The following SEMA6D variants were observed in gnomAD, a reference collection of about 807,000 sequenced individuals.
SEMA6D encodes semaphorin-6D.
Under a neutral mutation model 106.6 loss-of-function variants are expected in SEMA6D, and 35 were observed. That is an observed-to-expected ratio of 0.33 (90% CI 0.25 to 0.44). SEMA6D has a LOEUF of 0.44. Among genes scored for constraint, SEMA6D ranks in the 20% least tolerant of loss-of-function variants. The pLI is 1.00. For synonymous variants in SEMA6D, 499 were observed against 487.7 expected (o/e 1.02, Z -0.31); for missense variants, 1,185 against 1,345.9 (o/e 0.88, Z 1.87).
intron 1 of SEMA6D, among the ~76,000 whole-genome samples, chr15:47,242,748 A>C (rs1331824036): frequency 1.3e-5 from 2 of 152,158 alleles, no homozygotes; most frequent in Non-Finnish European, 2.9e-5. Context: ...CCGATTATAA[A>C]AGCAACCCCT....
At chr15:47,600,945 T>C (rs953991006) in intron 4 of SEMA6D, 1 of 152,078 alleles carries the variant, frequency 6.6e-6, no homozygotes, top group Admixed American at 6.6e-5. Context: ...CAGCGAATTG[T>C]TACTGGTTTT....
intron 4 of SEMA6D, among the ~76,000 whole-genome samples, chr15:47,707,748 C>G (rs73394811): frequency 6.6e-6 from 1 of 152,062 alleles, no homozygotes; most frequent in South Asian, 2.1e-4. Flanking sequence ...AATATGTTCC[C>G]GCTGTCTACT....
intron 13 of SEMA6D, chr15:47,765,515 A>G: frequency 1.1e-6 from 1 of 918,278 alleles, no homozygotes; most frequent in South Asian, 5.1e-5. Context: ...GAAGAGAGAA[A>G]TGGAGCCAAG....
rs2044038953 is a variant in SEMA6D, at chr15:47,506,433, G to GT, written c.-87+35888_-87+35889insT. Among the ~76,000 whole-genome samples, 4 of 152,228 alleles carry GT rather than the reference G, an allele frequency of 2.6e-5. 1 individual carries two copies. In the Middle Eastern group the frequency reaches 0.01, roughly 388 times the overall value. ...TAATTAGGAACAGAGGACATGTTAA[G>GT]CTTGAGGCTTAAATACAGAACTTGG... On this transcript the variant is annotated intron_variant, in intron 3 of 19. Coordinates refer to the SEMA6D transcript ENST00000558014.
At chr15:47,747,096 C>T (rs545603165) in intron 1 of SEMA6D, among the ~76,000 whole-genome samples, 3 of 151,766 alleles carry the variant, frequency 2.0e-5, no homozygotes, top group African/African-American at 7.2e-5. Context: ...GTCATCTTCC[C>T]GGATAGCAGA....
chr15:47,541,499 T>A (rs2045353909), intron 3 of SEMA6D, among the ~76,000 whole-genome samples: 1 of 152,174 alleles, frequency 6.6e-6, no homozygotes, highest in Admixed American at 6.6e-5. Context: ...CCAAAACTGA[T>A]GTTTCTAACA....
chr15:47,238,546 G>T (rs1226761428), intron 1 of SEMA6D, among the ~76,000 whole-genome samples: 1 of 152,024 alleles, frequency 6.6e-6, no homozygotes, highest in East Asian at 1.9e-4. Flanking sequence ...CCAATAGATT[G>T]TGCTTTCCTT....
At chr15:47,447,001 G>A (rs141738982) in intron 2 of SEMA6D, among the ~76,000 whole-genome samples, 2 of 152,200 alleles carry the variant, frequency 1.3e-5, no homozygotes, top group Non-Finnish European at 2.9e-5. Flanking sequence ...GGCTTCCTAG[G>A]TCTTTTCCTT....
At chr15:47,213,387 C>T (rs568096449) in intron 1 of SEMA6D, among the ~76,000 whole-genome samples, 26 of 152,294 alleles carry the variant, frequency 1.7e-4, no homozygotes, top group Admixed American at 1.1e-3. Flanking sequence ...AGATGACCAG[C>T]GCTACCACAT....
At chr15:47,517,394 G>C (rs1026176310) in intron 3 of SEMA6D, among the ~76,000 whole-genome samples, 1 of 151,998 alleles carries the variant, frequency 6.6e-6, no homozygotes, top group East Asian at 1.9e-4. Flanking sequence ...GAGTGTGTGC[G>C]TGTGTGTGTT....
At chr15:47,255,538 C>T (rs1223080853) in intron 1 of SEMA6D, among the ~76,000 whole-genome samples, 1 of 151,630 alleles carries the variant, frequency 6.6e-6, no homozygotes, top group Non-Finnish European at 1.5e-5. Context: ...TATTAGAGAC[C>T]TTTCTACTTT....
Position 47,759,821 on chromosome 15 carries a change from C to T in SEMA6D, c.23C>T (p.Ala8Val), listed in dbSNP as rs1362808768. 2 of 1,613,744 alleles carry T rather than the reference C, an allele frequency of 1.2e-6. No homozygotes were observed. The highest frequency in any genetic ancestry group is 1.7e-6 in the Non-Finnish European group (2 of 1,179,688). The change falls in exon 2 of 19, where the codon GCC becomes GTC. Residue 8 changes from alanine to valine, a missense_variant. Physicochemically the swap from Ala to Val is moderately conservative, Grantham distance 64. Transcript: ENST00000536845. ...ACCATGAGGGTCTTCCTGCTTTGTG[C>T]CTACATACTGCTGCTGATGGTTTCC... MRVFLLCAYILLLMVSQL... is the reference protein window; with the variant it reads MRVFLLCVYILLLMVSQL...
chr15:47,684,784 C>A (rs2078433638), intron 4 of SEMA6D, among the ~76,000 whole-genome samples: 2 of 152,126 alleles, frequency 1.3e-5, no homozygotes, highest in South Asian at 4.1e-4. Context: ...TCACAATTAG[C>A]ATGAGTTTCA....
At chr15:47,712,801 C>G (rs1227687764), upstream of SEMA6D, among the ~76,000 whole-genome samples, 1 of 152,150 alleles carries the variant, frequency 6.6e-6, no homozygotes, top group East Asian at 1.9e-4. Context: ...AGAGAGAAGT[C>G]TGTCAGGAAT....
At chr15:47,765,093 T>C (rs1252065220) in intron 13 of SEMA6D, 37 bp downstream of exon 13, 1 of 1,596,930 alleles carries the variant, frequency 6.3e-7, no homozygotes, top group Non-Finnish European at 8.5e-7. Context: ...TCAGCACTGC[T>C]CAAAAATTTT....
chr15:47,394,659 G>A (rs1235572624), intron 1 of SEMA6D, among the ~76,000 whole-genome samples: 1 of 152,114 alleles, frequency 6.6e-6, no homozygotes, highest in East Asian at 1.9e-4. Flanking sequence ...GATCACTACT[G>A]TTTCACCTCA....
chr15:47,521,150 T>G lies in SEMA6D; in HGVS notation c.-87+50605T>G, dbSNP rs555170605. Among the ~76,000 whole-genome samples, 32 of 152,294 alleles carry G rather than the reference T, an allele frequency of 2.1e-4. No homozygotes were observed. In the South Asian group the frequency reaches 6.2e-3, roughly 30 times the overall value. ...TGAGGAGACGTGGGTCAACATGGAC[T>G]CATTCAGTTATGCATTCATTCACAT... On this transcript the variant is annotated intron_variant, in intron 3 of 19. Coordinates refer to the SEMA6D transcript ENST00000558014.
chr15:47,647,376 A>G (rs1016065487), intron 4 of SEMA6D, among the ~76,000 whole-genome samples: 3 of 152,198 alleles, frequency 2.0e-5, no homozygotes, highest in African/African-American at 7.2e-5. Flanking sequence ...TAACAGGATT[A>G]CATGATCGGA....
At chr15:47,733,181 C>G (rs2080238047) in intron 1 of SEMA6D, among the ~76,000 whole-genome samples, 1 of 152,158 alleles carries the variant, frequency 6.6e-6, no homozygotes, top group African/African-American at 2.4e-5. Context: ...CAGGTACCCA[C>G]TCACTTTTTT....
Sources: allele counts gnomAD v4.1 joint callset (sites outside exome capture counted in the v4.1 genomes callset), GRCh38; gene constraint gnomAD v4.1.1; transcripts MANE v1.5; gene names NCBI Gene and HGNC (gene_info 2026-07-23, HGNC 2026-07-21).